CPNE4: variants seen among roughly 807,000 people sequenced by gnomAD.
The protein encoded by CPNE4 is copine-4.
A neutral mutation model predicts 67.9 loss-of-function variants in CPNE4; 25 were observed. The observed-to-expected ratio is 0.37, with a 90% CI of 0.27 to 0.51. The LOEUF is 0.51. Among genes scored for constraint, CPNE4 ranks in the 20% least tolerant of loss-of-function variants. The pLI, the probability that CPNE4 is intolerant of heterozygous loss-of-function variation, is 0.93. For missense variants in CPNE4, 464 were observed against 690.8 expected (o/e 0.67, Z 3.68); for synonymous variants, 242 against 244.9 (o/e 0.99, Z 0.11).
chr3:131,772,402 C>T (rs1175395896), intron 2 of CPNE4, among the ~76,000 whole-genome samples: 1 of 152,068 alleles, frequency 6.6e-6, no homozygotes, highest in African/African-American at 2.4e-5. Flanking sequence ...GATAGAAAAC[C>T]TCTGTCAGAC....
chr3:131,687,057 A>C (rs1263323943), intron 5 of CPNE4, among the ~76,000 whole-genome samples: 2 of 152,192 alleles, frequency 1.3e-5, no homozygotes, highest in African/African-American at 2.4e-5. Context: ...GAAAATCTGC[A>C]CAGAATGTCT....
chr3:131,947,035 AC>A (rs2071571011), intron 1 of CPNE4, among the ~76,000 whole-genome samples: 2 of 152,226 alleles, frequency 1.3e-5, no homozygotes, highest in Admixed American at 1.3e-4. Flanking sequence ...TTACTACTGA[AC>A]TCTCAGTTCT....
At chr3:131,677,685 G>A (rs1011586172) in intron 6 of CPNE4, among the ~76,000 whole-genome samples, 12 of 152,126 alleles carry the variant, frequency 7.9e-5, no homozygotes, top group Non-Finnish European at 1.8e-4. Context: ...TTATTGAATA[G>A]GGAGTCCTTT....
intron 1 of CPNE4, among the ~76,000 whole-genome samples, chr3:131,973,808 T>C (rs2072570302): frequency 6.6e-6 from 1 of 152,226 alleles, no homozygotes; most frequent in Non-Finnish European, 1.5e-5. Context: ...TCTACTTAAC[T>C]ATTACCCAGG....
chr3:131,798,494 C>CA lies in CPNE4; in HGVS notation c.181-74870dup, dbSNP rs564183006. Among the ~76,000 whole-genome samples, 31 of 151,984 alleles carry CA rather than the reference C, an allele frequency of 2.0e-4. 1 individual carries two copies. The East Asian group carries it at 6.0e-3, about 29-fold the overall frequency. ...ATATAAAATCAGATCATTACAAACA[C>CA]AAAAAATGGTCTAAGTCTGATGTTA... On this transcript the variant is annotated intron_variant, in intron 2 of 15. Coordinates refer to ENST00000429747, the MANE Select transcript of CPNE4 (RefSeq NM_130808.3).
chr3:131,729,574 C>T (rs1380816642), intron 2 of CPNE4, among the ~76,000 whole-genome samples: 7 of 152,200 alleles, frequency 4.6e-5, no homozygotes, highest in Admixed American at 6.5e-5. Flanking sequence ...AATCACTCAA[C>T]AGAGAGAGAT....
At chr3:131,720,729 T>C (rs2081861706) in intron 3 of CPNE4, among the ~76,000 whole-genome samples, 1 of 152,218 alleles carries the variant, frequency 6.6e-6, no homozygotes, top group Non-Finnish European at 1.5e-5. Context: ...TCCAGTTACG[T>C]ACGGTGGTAT....
chr3:131,757,173 A>G (rs2082771022), intron 2 of CPNE4, among the ~76,000 whole-genome samples: 1 of 152,216 alleles, frequency 6.6e-6, no homozygotes, highest in Non-Finnish European at 1.5e-5. Context: ...GGAACTGGGT[A>G]ACAGGCAGAG....
intron 11 of CPNE4, among the ~76,000 whole-genome samples, chr3:131,557,875 G>A (rs12639456): frequency 0.027 from 4,151 of 152,048 alleles, 63 homozygotes; most frequent in Middle Eastern, 0.051. Flanking sequence ...CTGGGTGGAG[G>A]ATGGATCCTG....
At chr3:131,710,777 G>A (rs2081538295) in intron 3 of CPNE4, among the ~76,000 whole-genome samples, 1 of 152,100 alleles carries the variant, frequency 6.6e-6, no homozygotes, top group Admixed American at 6.5e-5. Context: ...GGGAAGACCT[G>A]GGGCATTCAT....
intron 10 of CPNE4, among the ~76,000 whole-genome samples, chr3:131,570,796 A>C (rs1355236416): frequency 6.6e-6 from 1 of 151,988 alleles, no homozygotes; most frequent in East Asian, 1.9e-4. Context: ...TCAAATTCTC[A>C]AGTGTTCAGG....
At chr3:131,943,311 A>T (rs1200994235) in intron 1 of CPNE4, among the ~76,000 whole-genome samples, 1 of 152,126 alleles carries the variant, frequency 6.6e-6, no homozygotes, top group Non-Finnish European at 1.5e-5. Flanking sequence ...CTTTACTGCA[A>T]ATGGGTTTGG....
intron 1 of CPNE4, among the ~76,000 whole-genome samples, chr3:131,918,997 A>C (rs1445373849): frequency 1.3e-5 from 2 of 152,146 alleles, no homozygotes; most frequent in Non-Finnish European, 2.9e-5. Context: ...AATGCCCAGG[A>C]AACAGTGCAG....
chr3:131,714,060 T>C (rs145280608), intron 3 of CPNE4, among the ~76,000 whole-genome samples: 3 of 152,270 alleles, frequency 2.0e-5, no homozygotes, highest in Admixed American at 2.0e-4. Flanking sequence ...GGAGAATGAC[T>C]TCCCTGCTGT....
chr3:131,655,571 T>TACCGGTGCAATAAAGCATGCCGTGTGGTC (rs2079934522), intron 7 of CPNE4, among the ~76,000 whole-genome samples: 1 of 152,106 alleles, frequency 6.6e-6, no homozygotes, highest in Non-Finnish European at 1.5e-5. Flanking sequence ...AGGTTTTAAA[T>TACCGGTGCAATAAAGCATGCCGTGTGGTC]ACCGGTGCAA....
At chr3:131,609,167 G>A (rs1031581192) in intron 7 of CPNE4, among the ~76,000 whole-genome samples, 2 of 152,072 alleles carry the variant, frequency 1.3e-5, no homozygotes, top group Non-Finnish European at 2.9e-5. Context: ...CCCCAAAACC[G>A]TAAGCTAGCT....
At chr3:131,748,586 T>C (rs1039999456) in intron 2 of CPNE4, among the ~76,000 whole-genome samples, 11 of 152,076 alleles carry the variant, frequency 7.2e-5, no homozygotes, top group African/African-American at 2.7e-4. Flanking sequence ...TCCTTTTAAA[T>C]AACAAATTAA....
intron 2 of CPNE4, among the ~76,000 whole-genome samples, chr3:131,861,575 C>T (rs146368868): frequency 2.6e-5 from 4 of 152,020 alleles, no homozygotes; most frequent in South Asian, 2.1e-4. Flanking sequence ...GGATTACAGG[C>T]GCCTGCCACC....
At chr3:131,936,143 C>T (rs6797552) in intron 1 of CPNE4, among the ~76,000 whole-genome samples, 25,274 of 151,696 alleles carry the variant, frequency 0.17, 2,500 homozygotes, top group African/African-American at 0.28. Flanking sequence ...TTTTTAAAAA[C>T]TCAAACTCCA....
Sources: allele counts gnomAD v4.1 joint callset (sites outside exome capture counted in the v4.1 genomes callset), GRCh38; gene constraint gnomAD v4.1.1; transcripts MANE v1.5; gene names NCBI Gene and HGNC (gene_info 2026-07-23, HGNC 2026-07-21).